The following RAB38 variants were observed in gnomAD, a reference collection of about 807,000 sequenced individuals.
RAB38 encodes RAB38, member RAS oncogene family, also known as ras-related protein Rab-38.
RAB38 carries 15 observed loss-of-function variants against 18.4 expected under a neutral mutation model. The observed-to-expected ratio is 0.82, with a 90% CI of 0.55 to 1.26. The LOEUF is 1.26. Ranked by LOEUF, RAB38 falls within the 50% of genes most tolerant of loss-of-function variation. RAB38 has a pLI of 0.00. For missense variants in RAB38, 294 were observed against 267.4 expected (o/e 1.10, Z -0.69); for synonymous variants, 101 against 104.4 (o/e 0.97, Z 0.20).
At chr11:88,166,961 AACAAAT>A (rs1191903522) in intron 1 of RAB38, 1 of 152,140 alleles carries the variant, frequency 6.6e-6, no homozygotes, top group East Asian at 1.9e-4. Context: ...AACTTTATTG[AACAAAT>A]ACTACTTGAG....
At chr11:88,144,807 C>G (rs1398903621) in intron 2 of RAB38, among the ~76,000 whole-genome samples, 1 of 151,918 alleles carries the variant, frequency 6.6e-6, no homozygotes. Context: ...GCTGGAAGCA[C>G]TGGAGGTTCT....
chr11:88,143,235 A>T (rs1263522393), intron 2 of RAB38, among the ~76,000 whole-genome samples: 4 of 152,212 alleles, frequency 2.6e-5, no homozygotes, highest in Non-Finnish European at 5.9e-5. Flanking sequence ...ACTGTATAAG[A>T]TTATTTCAAG....
the RAB38 span, among the ~76,000 whole-genome samples, chr11:87,900,661 TAGGAAGGAAGGAAGGAAGGAAGGA>T: frequency 5.1e-4 from 67 of 131,302 alleles, no homozygotes; most frequent in African/African-American, 1.6e-3. Context: ...GAAAGAAAGG[TAGGAAGGAAGGAAGGAAGGAAGGA>T]AGGAAGGAAG....
the RAB38 span, among the ~76,000 whole-genome samples, chr11:88,004,005 A>T: frequency 7.3e-6 from 1 of 136,618 alleles, no homozygotes; most frequent in Non-Finnish European, 1.6e-5. Context: ...ATATATAAAA[A>T]AGGTATATGT....
At chr11:88,065,147 G>C in the RAB38 span, among the ~76,000 whole-genome samples, 3 of 152,164 alleles carry the variant, frequency 2.0e-5, no homozygotes, top group Admixed American at 2.0e-4. Context: ...GGGAAAGCTT[G>C]GTGTTCATCT....
chr11:87,859,525 G>T, the RAB38 span, among the ~76,000 whole-genome samples: 1 of 151,964 alleles, frequency 6.6e-6, no homozygotes, highest in Non-Finnish European at 1.5e-5. Context: ...TGATGGAAGC[G>T]CAATTTGCCA....
Position 88,149,845 on chromosome 11 carries a change from T to C in RAB38, c.313A>G (p.Lys105Glu), listed in dbSNP as rs765696305. 5 of 1,614,084 alleles carry C rather than the reference T, an allele frequency of 3.1e-6. No homozygotes were observed. The Admixed American group carries it at 8.3e-5, about 27-fold the overall frequency. ...CTTAACTTGGAGTCCAAATCATTTT[T>C]CCACTTTGCCACTGCTTCAAATGTG... Reference protein sequence around the residue: ...PATFEAVAKWKNDLDSKLSLP... With the variant: ...PATFEAVAKWENDLDSKLSLP... Residue 105 changes from lysine (K) to glutamate (E), a missense_variant, in exon 2 of 3, where the codon AAA (lysine) becomes GAA (glutamate). By Grantham distance (56) the Lys-to-Glu change is moderately conservative. Coordinates refer to ENST00000243662, the MANE Select transcript of RAB38 (RefSeq NM_022337.3).
intron 2 of RAB38, among the ~76,000 whole-genome samples, chr11:88,130,333 T>A (rs1942751461): frequency 6.6e-6 from 1 of 152,168 alleles, no homozygotes; most frequent in Non-Finnish European, 1.5e-5. Context: ...CAGAACAGAT[T>A]CGAGCGGTGT....
intron 2 of RAB38, among the ~76,000 whole-genome samples, chr11:88,128,117 C>G (rs1247972242): frequency 1.3e-5 from 2 of 152,216 alleles, no homozygotes; most frequent in Non-Finnish European, 2.9e-5. Flanking sequence ...ATACTCAGGA[C>G]AGCTTAGGAC....
At chr11:88,154,658 T>C (rs1371374417) in intron 1 of RAB38, among the ~76,000 whole-genome samples, 1 of 152,124 alleles carries the variant, frequency 6.6e-6, no homozygotes, top group Non-Finnish European at 1.5e-5. Flanking sequence ...CTCCACTCCA[T>C]GGCTACGCAG....
chr11:87,963,909 G>A, the RAB38 span, among the ~76,000 whole-genome samples: 2 of 152,074 alleles, frequency 1.3e-5, no homozygotes, highest in Non-Finnish European at 2.9e-5. Flanking sequence ...GCCTCCCAAA[G>A]TGCTGGGATT....
chr11:87,860,890 A>T, the RAB38 span, among the ~76,000 whole-genome samples: 1 of 151,916 alleles, frequency 6.6e-6, no homozygotes, highest in East Asian at 1.9e-4. Flanking sequence ...ATTCCACTTT[A>T]TATGTCATAT....
At chr11:88,153,571 T>C (rs2134832901) in intron 1 of RAB38, among the ~76,000 whole-genome samples, 1 of 152,278 alleles carries the variant, frequency 6.6e-6, no homozygotes, top group Admixed American at 6.5e-5. Flanking sequence ...GATCTCAGTA[T>C]CTAGGCTCTC....
At chr11:87,836,480 TC>T in the RAB38 span, among the ~76,000 whole-genome samples, 1 of 152,086 alleles carries the variant, frequency 6.6e-6, no homozygotes, top group Non-Finnish European at 1.5e-5. Context: ...GTCTACCCCA[TC>T]CATTTTTCTC....
At chr11:87,824,287 A>T in the RAB38 span, among the ~76,000 whole-genome samples, 1 of 152,192 alleles carries the variant, frequency 6.6e-6, no homozygotes, top group African/African-American at 2.4e-5. Flanking sequence ...TACAGATGCT[A>T]ATATTTGGAG....
At chr11:87,847,048 A>G in the RAB38 span, among the ~76,000 whole-genome samples, 1 of 152,038 alleles carries the variant, frequency 6.6e-6, no homozygotes, top group Admixed American at 6.6e-5. Context: ...CATAACTTCA[A>G]ATGCATATAT....
the RAB38 span, among the ~76,000 whole-genome samples, chr11:88,023,905 TAA>T: frequency 1.3e-5 from 2 of 152,110 alleles, no homozygotes; most frequent in African/African-American, 4.8e-5. Flanking sequence ...CAAAATGAAT[TAA>T]ATACTGAAAT....
the RAB38 span, among the ~76,000 whole-genome samples, chr11:88,005,588 T>C: frequency 6.6e-6 from 1 of 151,300 alleles, no homozygotes; most frequent in African/African-American, 2.4e-5. Context: ...TGCAGAAGTT[T>C]TTTTTTTTAA....
At chr11:88,030,523 G>A in the RAB38 span, among the ~76,000 whole-genome samples, 23 of 151,978 alleles carry the variant, frequency 1.5e-4, 1 homozygote, top group Middle Eastern at 6.8e-3. Context: ...TCAAATAGAC[G>A]CAATAAAAAA....
Sources: allele counts gnomAD v4.1 joint callset (sites outside exome capture counted in the v4.1 genomes callset), GRCh38; gene constraint gnomAD v4.1.1; transcripts MANE v1.5; gene names NCBI Gene and HGNC (gene_info 2026-07-23, HGNC 2026-07-21).